Variants in MVP observed in about 807,000 individuals in gnomAD.
The protein encoded by MVP is major vault protein, also known as lung resistance-related protein.
Under a neutral mutation model 83.5 loss-of-function variants are expected in MVP, and 62 were observed. That is an observed-to-expected ratio of 0.74 (90% CI 0.61 to 0.92). The LOEUF (loss-of-function observed/expected upper bound fraction) is 0.92. MVP is among the 40% of genes least tolerant of loss of function. The pLI, the probability that MVP is intolerant of heterozygous loss-of-function variation, is 0.00. For synonymous variants in MVP, 505 were observed against 504.1 expected, an observed-to-expected ratio of 1.00 and a Z score of -0.02; for missense variants, 1,000 against 1,203.4, an observed-to-expected ratio of 0.83 and a Z score of 2.50.
At chr16:29,829,073 C>CTTTTT (rs36101620) in intron 1 of MVP, among the ~76,000 whole-genome samples, 2 of 128,332 alleles carry the variant, frequency 1.6e-5, no homozygotes, top group Non-Finnish European at 3.3e-5. Context: ...TGAGGAACCA[C>CTTTTT]TTTTTTTTTT....
At chr16:29,833,064 C>CAA (rs200615920) in intron 3 of MVP, among the ~76,000 whole-genome samples, 4 of 87,388 alleles carry the variant, frequency 4.6e-5, no homozygotes, top group Admixed American at 1.3e-4. Flanking sequence ...GACTCTGTCT[C>CAA]AAAAAAAAAA....
In MVP at chr16:29,838,469, C is replaced by T. The variant is rs2067506935; in HGVS notation, c.909+1511C>T. On this transcript the variant is annotated intron_variant, in intron 7 of 14. Transcript: ENST00000357402. ...AAAAATTAGAAATAACCCAAATGTA[C>T]ATATATAATGAATGGATAAAAAATT... Among the ~76,000 whole-genome samples the T allele has an allele frequency of 2.0e-5, 3 of 151,336 alleles. No homozygotes were observed. In the South Asian group the frequency reaches 6.3e-4, roughly 32 times the overall value.
In MVP at chr16:29,843,574, G is replaced by GAGGA. The variant is rs1567395391; in HGVS notation, c.1635-916_1635-915insAAGG. Among the ~76,000 whole-genome samples the GAGGA allele has an allele frequency of 5.5e-4, 32 of 57,888 alleles. 2 individuals are homozygous for GAGGA. The highest frequency in any genetic ancestry group is 1.3e-3 in the African/African-American group (14 of 10,782). 38.0% of individuals were successfully genotyped at this position (57,888 alleles called of 152,430 possible). A position where few individuals can be genotyped will look rare whatever the true frequency, so the allele number is the denominator to read the frequency against. On this transcript the variant is annotated intron_variant, in intron 10 of 14. Coordinates refer to ENST00000357402, the MANE Select transcript of MVP (RefSeq NM_005115.5). ...GGAGGGAGGGAGGGAGGGAGGGAGG[G>GAGGA]AGGGAGGAAGGGAGGAAGGGAGGGA...
At chr16:29,830,387 A>C (rs1472518377) in intron 1 of MVP, 128 bp from the exon 2 acceptor site, 2 of 714,378 alleles carry the variant, frequency 2.8e-6, no homozygotes, top group Non-Finnish European at 4.6e-6. Context: ...AGATGCGGAC[A>C]GGGAAGGGTG....
chr16:29,844,368 G>A (rs2067562676), intron 10 of MVP, 125 bp from the exon 11 acceptor site: 3 of 1,307,646 alleles, frequency 2.3e-6, no homozygotes, highest in Admixed American at 2.4e-5. Flanking sequence ...GGAGGCTGAG[G>A]TTGGGGGGTT....
chr16:29,821,254 G>A (rs567731333), intron 1 of MVP: 1 of 152,466 alleles, frequency 6.6e-6, no homozygotes, highest in Admixed American at 6.5e-5. Flanking sequence ...GTAGCCCCTG[G>A]GTGATGGGGG....
intron 1 of MVP, chr16:29,829,945 A>G (rs145228693): frequency 6.5e-6 from 1 of 153,306 alleles, no homozygotes; most frequent in East Asian, 1.9e-4. Context: ...CCTTTTGTTT[A>G]TGGCCGAATC....
chr16:29,835,065 G>A (rs1278254594), intron 5 of MVP: 1 of 152,054 alleles, frequency 6.6e-6, no homozygotes, highest in Non-Finnish European at 1.5e-5. Context: ...TTGCCCTGGG[G>A]TGTGGCCAGG....
At position 29,833,840 on chromosome 16, in the gene MVP, G is replaced by C; in HGVS notation, c.429G>C (p.Trp143Cys). ...DGDKVVAGDEWLFEGPGTYIP... is the reference protein window; with the variant it reads ...DGDKVVAGDECLFEGPGTYIP... ...ACAAGGTGGTGGCAGGAGATGAGTG[G>C]CTTTTCGAGGGACCTGGTAAGTTCT... The change falls in exon 4 of 15, where the codon TGG becomes TGC. Residue 143 changes from tryptophan (W) to cysteine (C), a missense_variant. Physicochemically the swap from Trp to Cys is radical, Grantham distance 215 (BLOSUM62 -2). Transcript: ENST00000357402. 1 of 1,614,098 alleles carries C rather than the reference G, an allele frequency of 6.2e-7. No individual in the cohort carries two copies. The highest frequency in any genetic ancestry group is 8.5e-7 in the Non-Finnish European group (1 of 1,180,010).
chr16:29,828,219 A>C (rs866760658), intron 1 of MVP, among the ~76,000 whole-genome samples: 5 of 151,834 alleles, frequency 3.3e-5, no homozygotes, highest in African/African-American at 1.2e-4. Context: ...TCAGCCTCCC[A>C]AAGTGCTGAG....
At position 29,830,505 on chromosome 16, in the gene MVP, C is replaced by A. The variant is rs770602518; in HGVS notation, c.-35-10C>A. The A allele has an allele frequency of 3.1e-6, 5 of 1,605,330 alleles. No homozygotes were observed. Among genetic ancestry groups the A allele is most frequent in the African/African-American group, 1.3e-5 (1 of 74,750 alleles). On this transcript the variant is annotated splice_polypyrimidine_tract_variant and intron_variant, in intron 1 of 14. Coordinates refer to ENST00000357402, the MANE Select transcript of MVP (RefSeq NM_005115.5). ...CAGGTTCATCCTGTGTCGTCTCCCCCACCTACCAGTCATCTTCTTGTGAGC... is the reference window on the plus strand; with the variant it reads ...CAGGTTCATCCTGTGTCGTCTCCCCAACCTACCAGTCATCTTCTTGTGAGC...
At chr16:29,846,001 G>T (rs1408981637) in intron 12 of MVP, 22 bp downstream of exon 12, 1 of 1,613,748 alleles carries the variant, frequency 6.2e-7, no homozygotes, top group African/African-American at 1.3e-5. Flanking sequence ...ACTAGAGGAG[G>T]AGACTGGCAG....
chr16:29,823,132 T>TC (rs1346807583), intron 1 of MVP, among the ~76,000 whole-genome samples: 1 of 130,544 alleles, frequency 7.7e-6, no homozygotes, highest in Non-Finnish European at 1.7e-5. Flanking sequence ...CTTTTTTTTT[T>TC]TTTTTTTTTT....
chr16:29,842,176 TG>T (rs1427637488), intron 10 of MVP, 64 bp downstream of exon 10: 1 of 1,504,516 alleles, frequency 6.6e-7, no homozygotes, highest in East Asian at 2.4e-5. Flanking sequence ...GAGGCTGAGG[TG>T]GGAGGATCAC....
rs1167741742 is a variant in MVP at position 29,835,644 on chromosome 16, A to AG, written c.578-56dup. 5 of 1,359,978 alleles carry AG rather than the reference A, an allele frequency of 3.7e-6. No homozygotes were observed. In the Admixed American group the frequency reaches 5.6e-5, roughly 15 times the overall value. 84.2% of individuals were successfully genotyped at this position (1,359,978 alleles called of 1,614,324 possible). A position where few individuals can be genotyped will look rare whatever the true frequency, so the allele number is the denominator to read the frequency against. On this transcript the variant is annotated intron_variant, in intron 5 of 14. Transcript: ENST00000357402. The stretch of plus-strand genomic sequence containing the variant: ...ATCCCCTGTGTCTAAGCTGTGGGGG[A>AG]GGGGTAGGTGGGGAGCAGGCTGGGG...
At position 29,831,035 on chromosome 16, in the gene MVP, G is replaced by A. The variant is rs1299413605; in HGVS notation, c.283G>A (p.Asp95Asn). 3 of 1,613,354 alleles carry A rather than the reference G, an allele frequency of 1.9e-6. No homozygotes were observed. The highest frequency in any genetic ancestry group is 2.5e-6 in the Non-Finnish European group (3 of 1,180,010). Residue 95 changes from aspartate (D) to asparagine (N), a missense_variant, in exon 3 of 15, where the codon GAC becomes AAC. Physicochemically the swap from Asp to Asn is conservative, Grantham distance 23. Transcript: ENST00000357402. ...TGACCTCGAGATCCGGCTGGCCCAG[G>A]ACCCCTTCCCCCTGTACCCAGGGGA... Reference protein sequence around the residue: ...HADLEIRLAQDPFPLYPGEVL... With the variant: ...HADLEIRLAQNPFPLYPGEVL...
chr16:29,836,696 C>T lies in MVP; in HGVS notation c.673-26C>T, dbSNP rs563592193. 74 of 1,527,014 alleles carry T rather than the reference C, an allele frequency of 4.8e-5. No homozygotes were observed. The Admixed American group carries it at 1.4e-3, about 30-fold the overall frequency. The allele number at this position is 1,527,014 out of a possible 1,614,324, so 94.6% of individuals were successfully genotyped here. A position where few individuals can be genotyped will look rare whatever the true frequency, so the allele number is the denominator to read the frequency against. On this transcript the variant is annotated intron_variant, in intron 6 of 14. Coordinates refer to ENST00000357402, the MANE Select transcript of MVP (RefSeq NM_005115.5). ...CCCCTGAAGTTGGAGGCAGGTCACT[C>T]AAATACCCAACATGTTGCTCTGCAG...
rs1440877126 is a variant in MVP at position 29,847,274 on chromosome 16, G to C, written c.2343G>C (p.Val781=). 6.2e-7 allele frequency: 1 copy of C among 1,613,768 alleles called. No individual in the cohort carries two copies. Among genetic ancestry groups the C allele is most frequent in the Admixed American group, 1.7e-5 (1 of 59,972 alleles). Residue 781 remains valine, a synonymous_variant, in exon 14 of 15, where the codon GTG becomes GTC. Coordinates refer to ENST00000357402, the MANE Select transcript of MVP (RefSeq NM_005115.5). ...VYARAQLELE[V]SKAQQLAEVE... ...CCCGGGCCCAGCTGGAGCTGGAGGT[G>C]AGCAAGGCTCAGCAGCTGGCTGAGG...
In MVP at chr16:29,841,908, T is replaced by C; in HGVS notation, c.1437-7T>C. The C allele has an allele frequency of 6.2e-7, 1 of 1,611,846 alleles. No individual in the cohort carries two copies. Among genetic ancestry groups the C allele is most frequent in the Non-Finnish European group, 8.5e-7 (1 of 1,179,990 alleles). ...GGTCTGGCTCTGACCCTCGGCTGTC[T>C]CTGCAGCGTGGTCTTCGGGCCTGAG... is the stretch of plus-strand genomic sequence containing the variant. On this transcript the variant is annotated splice_region_variant and splice_polypyrimidine_tract_variant and intron_variant, in intron 9 of 14. Transcript: ENST00000357402. The surrounding 1 kb of genome is among the most constrained non-coding windows in gnomAD (Gnocchi z 4.7).
Sources: allele counts gnomAD v4.1 joint callset (sites outside exome capture counted in the v4.1 genomes callset), GRCh38; gene constraint gnomAD v4.1.1; non-coding constraint Gnocchi (gnomAD v3.1); transcripts MANE v1.5; gene names NCBI Gene and HGNC (gene_info 2026-07-23, HGNC 2026-07-21).